SGCG: variants seen among roughly 807,000 people sequenced by gnomAD.
The protein encoded by SGCG is gamma-sarcoglycan.
Under a neutral mutation model 29.3 loss-of-function variants are expected in SGCG, and 26 were observed. The observed-to-expected ratio is 0.89, with a 90% CI of 0.65 to 1.23. The LOEUF (loss-of-function observed/expected upper bound fraction) is 1.23, where lower values mean the gene tolerates loss of function less well. Among genes scored for constraint, SGCG ranks in the 50% most tolerant of loss-of-function variants. SGCG has a pLI of 0.00. For missense variants in SGCG, 353 were observed against 356.0 expected (o/e 0.99, Z 0.07); for synonymous variants, 145 against 129.7 (o/e 1.12, Z -0.80).
intron 2 of SGCG, among the ~76,000 whole-genome samples, chr13:23,205,268 A>T (rs1877942750): frequency 6.6e-6 from 1 of 152,186 alleles, no homozygotes; most frequent in Non-Finnish European, 1.5e-5. Flanking sequence ...TGCACATCAT[A>T]TACATTTTAG....
At chr13:23,286,604 G>T (rs548143404) in intron 5 of SGCG, among the ~76,000 whole-genome samples, 3 of 152,272 alleles carry the variant, frequency 2.0e-5, no homozygotes, top group South Asian at 4.1e-4. Flanking sequence ...GCTGCACTGT[G>T]TTTTTTCTTA....
intron 2 of SGCG, among the ~76,000 whole-genome samples, chr13:23,219,802 T>C (rs115026331): frequency 0.059 from 8,778 of 150,028 alleles, 388 homozygotes; most frequent in Middle Eastern, 0.13. Flanking sequence ...TAACTTTTAC[T>C]GAAACTAGGT....
intron 2 of SGCG, among the ~76,000 whole-genome samples, chr13:23,210,670 G>T (rs1021365359): frequency 6.6e-6 from 1 of 152,088 alleles, no homozygotes. Context: ...CAGCCTGGGC[G>T]ACAGAGCAAG....
At chr13:23,280,443 C>T (rs760554907) in intron 5 of SGCG, among the ~76,000 whole-genome samples, 1 of 152,122 alleles carries the variant, frequency 6.6e-6, no homozygotes, top group Non-Finnish European at 1.5e-5. Flanking sequence ...TAGACTCCAC[C>T]CTATTACAGG....
At chr13:23,293,542 A>AGGGC (rs1253622533) in intron 5 of SGCG, among the ~76,000 whole-genome samples, 1 of 152,216 alleles carries the variant, frequency 6.6e-6, no homozygotes, top group Non-Finnish European at 1.5e-5. Flanking sequence ...TGTGAACTGT[A>AGGGC]GGGCTGGCTG....
intron 2 of SGCG, among the ~76,000 whole-genome samples, chr13:23,233,932 G>A (rs1879204029): frequency 6.6e-6 from 1 of 152,170 alleles, no homozygotes. Flanking sequence ...GTGTTTCAAG[G>A]AGGAAGGGGT....
intron 6 of SGCG, 103 bp from the exon 7 acceptor site, chr13:23,320,534 A>T: frequency 1.0e-6 from 1 of 952,458 alleles, no homozygotes; most frequent in Non-Finnish European, 1.6e-6. Context: ...GAAGACTTAC[A>T]TATCTTACTA....
At chr13:23,249,250 G>A (rs1386820227) in intron 3 of SGCG, among the ~76,000 whole-genome samples, 3 of 152,100 alleles carry the variant, frequency 2.0e-5, no homozygotes, top group Non-Finnish European at 4.4e-5. Flanking sequence ...TGTGAAGGTA[G>A]CCAGTAATCT....
At chr13:23,315,642 A>T (rs1041917768) in intron 6 of SGCG, among the ~76,000 whole-genome samples, 2 of 152,200 alleles carry the variant, frequency 1.3e-5, no homozygotes, top group Non-Finnish European at 2.9e-5. Context: ...GTGAAGGGGA[A>T]TCTTCCCAGT....
intron 4 of SGCG, among the ~76,000 whole-genome samples, chr13:23,272,299 T>A (rs1411203611): frequency 6.6e-6 from 1 of 152,216 alleles, no homozygotes; most frequent in Non-Finnish European, 1.5e-5. Flanking sequence ...TTAAAATACA[T>A]CATTTTACCA....
chr13:23,288,520 T>G (rs1241902993), intron 5 of SGCG, among the ~76,000 whole-genome samples: 1 of 152,208 alleles, frequency 6.6e-6, no homozygotes, highest in Non-Finnish European at 1.5e-5. Context: ...CATTTAGATT[T>G]TAGTCAACTA....
chr13:23,222,698 T>C (rs61946664), intron 2 of SGCG, among the ~76,000 whole-genome samples: 8,496 of 151,998 alleles, frequency 0.056, 375 homozygotes, highest in Middle Eastern at 0.14. Flanking sequence ...GTAGATGGCG[T>C]GTGCCTGTAG....
chr13:23,257,223 G>A (rs577222557), intron 4 of SGCG, among the ~76,000 whole-genome samples: 81 of 151,958 alleles, frequency 5.3e-4, no homozygotes, highest in East Asian at 2.5e-3. Flanking sequence ...TTTTTGATTC[G>A]CTTCTTATAA....
intron 6 of SGCG, among the ~76,000 whole-genome samples, chr13:23,318,292 T>C (rs1738513679): frequency 6.6e-6 from 1 of 151,706 alleles, no homozygotes; most frequent in African/African-American, 2.4e-5. Flanking sequence ...GTGAGATCTC[T>C]CAAAGTCAAC....
intron 1 of SGCG, among the ~76,000 whole-genome samples, chr13:23,186,373 G>C (rs1284105381): frequency 1.3e-5 from 2 of 152,174 alleles, no homozygotes; most frequent in Non-Finnish European, 2.9e-5. Context: ...CCTCACCAGT[G>C]GTATCCAGCC....
Position 23,203,879 on chromosome 13 carries a change from G to C in SGCG, c.185G>C (p.Trp62Ser), listed in dbSNP as rs1295790290. 3.7e-6 allele frequency: 6 copies of C among 1,606,694 alleles called. No individual in the cohort carries two copies. In the East Asian group the frequency reaches 1.3e-4, roughly 36 times the overall value. ...ACAATTTGGATTCTTAAAGTGATGTGGTTTTCTCCAGTAAGTATCATTATT... is the reference window on the plus strand; with the variant it reads ...ACAATTTGGATTCTTAAAGTGATGTCGTTTTCTCCAGTAAGTATCATTATT... ...ALTIWILKVM[W>S]FSPAGMGHLC... is the part of the protein sequence containing the mutation. The change falls in exon 2 of 8, where the codon TGG (tryptophan) becomes TCG (serine). Residue 62 changes from tryptophan (W) to serine (S), a missense_variant. Transcript: ENST00000218867.
chr13:23,204,987 A>G (rs1045185117), intron 2 of SGCG, among the ~76,000 whole-genome samples: 4 of 152,034 alleles, frequency 2.6e-5, no homozygotes, highest in African/African-American at 7.2e-5. Flanking sequence ...TAAAATACCA[A>G]TCAAATCAAA....
At chr13:23,264,164 C>T (rs750222060) in intron 4 of SGCG, among the ~76,000 whole-genome samples, 11 of 151,906 alleles carry the variant, frequency 7.2e-5, no homozygotes, top group Non-Finnish European at 1.5e-4. Context: ...ATGATGCGAT[C>T]TTATAGCTAG....
chr13:23,276,578 G>C (rs373910451), intron 4 of SGCG, among the ~76,000 whole-genome samples: 15 of 151,874 alleles, frequency 9.9e-5, no homozygotes, highest in African/African-American at 3.4e-4. Flanking sequence ...GACTACAGGC[G>C]CACGCCGCCA....
Sources: gnomAD v4.1 joint callset for allele counts (sites outside exome capture counted in the v4.1 genomes callset) on GRCh38, gnomAD v4.1.1 for gene constraint, MANE v1.5 for transcripts, NCBI Gene and HGNC (gene_info 2026-07-23, HGNC 2026-07-21) for gene names.